MORC1: variants seen among roughly 807,000 people sequenced by gnomAD.
The protein encoded by MORC1 is MORC family CW-type zinc finger protein 1.
In MORC1, 59 loss-of-function variants were observed where a neutral mutation model predicts 134.9. The ratio of observed to expected loss-of-function variants is 0.44; its 90% confidence interval spans 0.35 to 0.54. MORC1 has a LOEUF of 0.54. MORC1 is among the 20% of genes least tolerant of loss of function. The pLI is 0.00. For synonymous variants in MORC1, 395 were observed against 391.7 expected, an observed-to-expected ratio of 1.01 and a Z score of -0.10; for missense variants, 947 against 1,134.5, an observed-to-expected ratio of 0.83 and a Z score of 2.37.
intron 8 of MORC1, 107 bp downstream of exon 8, chr3:109,093,329 G>A (rs1198862474): frequency 4.0e-6 from 3 of 753,444 alleles, no homozygotes; most frequent in Non-Finnish European, 2.2e-6. Flanking sequence ...AAGATGAATT[G>A]TCCCAGTGCT....
At chr3:109,047,929 TATC>T (rs1346551177) in intron 14 of MORC1, among the ~76,000 whole-genome samples, 1 of 152,214 alleles carries the variant, frequency 6.6e-6, no homozygotes, top group Non-Finnish European at 1.5e-5. Context: ...TGACTGCTAA[TATC>T]ATTAAAAGAG....
In MORC1 at chr3:109,035,499, C is replaced by CA. The variant is rs35736028; in HGVS notation, c.1331-32dup. The CA allele has an allele frequency of 3.3e-4, 421 of 1,267,902 alleles. 1 individual carries two copies. Among genetic ancestry groups the CA allele is most frequent in the South Asian group, 2.4e-3 (163 of 68,784 alleles). 78.5% of individuals were successfully genotyped at this position (1,267,902 alleles called of 1,614,324 possible). Reference sequence around the variant, plus strand: ...AAAAAAAAAAGCAGGCAAAGAATAACAAAAAAAAATCATTAAAATCAAAAC... The same window carrying CA: ...AAAAAAAAAAGCAGGCAAAGAATAACAAAAAAAAAATCATTAAAATCAAAAC... On this transcript the variant is annotated intron_variant, in intron 14 of 27. Transcript: ENST00000232603.
chr3:109,095,738 A>C (rs1450965024), intron 6 of MORC1, among the ~76,000 whole-genome samples: 1 of 152,202 alleles, frequency 6.6e-6, no homozygotes, highest in Non-Finnish European at 1.5e-5. Flanking sequence ...AGAAGCTGAC[A>C]GGTAGGTCTG....
At chr3:109,063,116 G>T (rs1950119537) in intron 10 of MORC1, 36 bp downstream of exon 10, 1 of 1,448,574 alleles carries the variant, frequency 6.9e-7, no homozygotes, top group South Asian at 1.3e-5. Flanking sequence ...CTGAATGACT[G>T]AACAACAATG....
chr3:108,983,692 T>C (rs1156272897), intron 23 of MORC1, among the ~76,000 whole-genome samples: 1 of 152,128 alleles, frequency 6.6e-6, no homozygotes, highest in Admixed American at 6.6e-5. Context: ...AATTACAATA[T>C]AATCTCATCA....
chr3:109,114,325 T>C, intron 2 of MORC1, 59 bp downstream of exon 2: 1 of 1,395,242 alleles, frequency 7.2e-7, no homozygotes, highest in Non-Finnish European at 9.9e-7. Context: ...CCCATGTAAT[T>C]AGACAAGAGT....
chr3:109,000,407 G>A (rs1463109242), intron 21 of MORC1, 150 bp downstream of exon 21: 1 of 564,138 alleles, frequency 1.8e-6, no homozygotes, highest in Non-Finnish European at 3.0e-6. Flanking sequence ...CCTTGAGCAA[G>A]TAACTTAAAC....
At chr3:109,087,326 C>T (rs1950633172) in intron 8 of MORC1, among the ~76,000 whole-genome samples, 1 of 151,978 alleles carries the variant, frequency 6.6e-6, no homozygotes, top group Admixed American at 6.6e-5. Context: ...TCTAGAAAAC[C>T]CCATAGTCTC....
chr3:109,025,039 G>C (rs1049654585), intron 17 of MORC1, among the ~76,000 whole-genome samples: 9 of 152,126 alleles, frequency 5.9e-5, no homozygotes, highest in Admixed American at 5.9e-4. Context: ...GATTATTTTT[G>C]TGAAAGGAGG....
intron 16 of MORC1, among the ~76,000 whole-genome samples, chr3:109,028,656 T>C (rs533186232): frequency 6.6e-6 from 1 of 152,312 alleles, no homozygotes; most frequent in African/African-American, 2.4e-5. Context: ...TTGGAAGGTT[T>C]GAGGCCATTT....
chr3:109,059,566 T>C (rs566278402), intron 12 of MORC1, among the ~76,000 whole-genome samples: 26 of 151,866 alleles, frequency 1.7e-4, no homozygotes, highest in Admixed American at 7.9e-4. Context: ...ATTTTTCACT[T>C]TTTTTTTGGA....
intron 21 of MORC1, among the ~76,000 whole-genome samples, chr3:108,994,677 C>CT (rs926690958): frequency 6.6e-6 from 1 of 151,782 alleles, no homozygotes; most frequent in Non-Finnish European, 1.5e-5. Flanking sequence ...ATGTACATGC[C>CT]TTTTTTTAAA....
At chr3:109,060,434 C>A (rs926452673) in intron 11 of MORC1, among the ~76,000 whole-genome samples, 1 of 151,338 alleles carries the variant, frequency 6.6e-6, no homozygotes. Flanking sequence ...TCATTCACTA[C>A]TCTAAATCTG....
chr3:109,057,224 G>T, intron 13 of MORC1, 119 bp downstream of exon 13: 1 of 1,046,576 alleles, frequency 9.6e-7, no homozygotes, highest in Non-Finnish European at 1.3e-6. Flanking sequence ...CAGGAAGGGT[G>T]AACAGAGACT....
rs116347281 is a variant in MORC1, at chr3:108,984,525, C to A, written c.2324+191G>T. On this transcript the variant is annotated intron_variant, in intron 23 of 27. Transcript: ENST00000232603. ...CCATTTCATTATTTCCAGTTCTTCA[C>A]GAAAGAAATGAAAAGGTTTGGGGGT... Among the ~76,000 whole-genome samples the A allele has an allele frequency of 7.8e-4, 111 of 142,130 alleles. 2 individuals carry two copies. The highest frequency in any genetic ancestry group is 4.6e-4 in the Non-Finnish European group (30 of 64,824). 93.2% of individuals were successfully genotyped at this position (142,130 alleles called of 152,430 possible).
chr3:108,990,212 T>C (rs1319332952), intron 21 of MORC1, among the ~76,000 whole-genome samples: 1 of 152,156 alleles, frequency 6.6e-6, no homozygotes, highest in Non-Finnish European at 1.5e-5. Flanking sequence ...TACCTACCTT[T>C]ATGGAACACA....
intron 8 of MORC1, among the ~76,000 whole-genome samples, chr3:109,088,949 AAACT>A (rs1950666709): frequency 6.6e-6 from 1 of 152,136 alleles, no homozygotes; most frequent in South Asian, 2.1e-4. Context: ...TATTTTTAGC[AAACT>A]AACACAGGAA....
intron 21 of MORC1, among the ~76,000 whole-genome samples, chr3:108,995,016 T>G (rs1948160766): frequency 6.6e-6 from 1 of 152,196 alleles, no homozygotes; most frequent in Non-Finnish European, 1.5e-5. Context: ...TTTTATCGTT[T>G]TTATGAAGCA....
intron 20 of MORC1, among the ~76,000 whole-genome samples, 182 bp from the exon 21 acceptor site, chr3:109,000,840 C>A (rs1948385365): frequency 6.6e-6 from 1 of 152,154 alleles, no homozygotes; most frequent in Non-Finnish European, 1.5e-5. Flanking sequence ...GCATATCTGC[C>A]TTCCTAATGC....
Sources: gnomAD v4.1 joint callset for allele counts (sites outside exome capture counted in the v4.1 genomes callset) on GRCh38, gnomAD v4.1.1 for gene constraint, MANE v1.5 for transcripts, NCBI Gene and HGNC (gene_info 2026-07-23, HGNC 2026-07-21) for gene names.